The following LRP1B variants were observed in gnomAD, a reference collection of about 807,000 sequenced individuals.
The protein encoded by LRP1B is LDL receptor related protein 1B.
Under a neutral mutation model 556.6 loss-of-function variants are expected in LRP1B, and 217 were observed. The ratio of observed to expected loss-of-function variants is 0.39; its 90% CI spans 0.35 to 0.44. LRP1B has a LOEUF of 0.44. LRP1B is among the 20% of genes least tolerant of loss of function. LRP1B has a pLI of 1.00. For missense variants in LRP1B, 5,053 were observed against 5,620.8 expected, an observed-to-expected ratio of 0.90 and a Z score of 3.23; for synonymous variants, 2,047 against 1,865.8, an observed-to-expected ratio of 1.10 and a Z score of -2.50.
chr2:141,979,699 A>C (rs545300173), intron 1 of LRP1B, among the ~76,000 whole-genome samples: 1 of 152,210 alleles, frequency 6.6e-6, no homozygotes, highest in East Asian at 1.9e-4. Context: ...TATTTCAGTG[A>C]CAAAGTCAGG....
At chr2:140,877,861 A>G (rs915523093) in intron 25 of LRP1B, among the ~76,000 whole-genome samples, 3 of 152,162 alleles carry the variant, frequency 2.0e-5, no homozygotes, top group African/African-American at 7.2e-5. Flanking sequence ...GGACCTCCTG[A>G]AGCTGTGTCA....
chr2:141,364,391 C>T (rs1688943703), intron 3 of LRP1B, among the ~76,000 whole-genome samples: 1 of 149,160 alleles, frequency 6.7e-6, no homozygotes, highest in South Asian at 2.2e-4. Flanking sequence ...CATGCACACA[C>T]AGTGGAATTA....
chr2:141,749,574 G>T (rs374953485), intron 2 of LRP1B, among the ~76,000 whole-genome samples: 1 of 152,126 alleles, frequency 6.6e-6, no homozygotes, highest in Admixed American at 6.6e-5. Flanking sequence ...ACCAGGAAAA[G>T]AGTTCAGTAT....
chr2:141,874,630 T>C (rs1178145233), intron 1 of LRP1B, among the ~76,000 whole-genome samples: 1 of 151,998 alleles, frequency 6.6e-6, no homozygotes, highest in Non-Finnish European at 1.5e-5. Flanking sequence ...GTAAATAAAC[T>C]GTTTTTGAGA....
At chr2:140,525,685 T>C (rs1347848023) in intron 49 of LRP1B, among the ~76,000 whole-genome samples, 159 bp downstream of exon 49, 2 of 152,004 alleles carry the variant, frequency 1.3e-5, no homozygotes, top group African/African-American at 4.8e-5. Flanking sequence ...GATCAAGCGG[T>C]ATGTTTAGAA....
At chr2:141,986,099 G>C (rs1019580101) in intron 1 of LRP1B, among the ~76,000 whole-genome samples, 1 of 151,788 alleles carries the variant, frequency 6.6e-6, no homozygotes, top group Non-Finnish European at 1.5e-5. Flanking sequence ...CTAAAATTAA[G>C]AGCTAAACAT....
At chr2:141,801,645 T>C (rs553231711) in intron 2 of LRP1B, among the ~76,000 whole-genome samples, 2 of 152,266 alleles carry the variant, frequency 1.3e-5, no homozygotes, top group South Asian at 4.1e-4. Context: ...GGATTTTCAA[T>C]GAGAAGTGCT....
intron 1 of LRP1B, among the ~76,000 whole-genome samples, chr2:141,823,814 G>A (rs1696835727): frequency 2.0e-5 from 3 of 152,038 alleles, no homozygotes; most frequent in Admixed American, 6.5e-5. Flanking sequence ...GACTACAGGT[G>A]TCCACCACCA....
intron 2 of LRP1B, among the ~76,000 whole-genome samples, chr2:141,647,623 T>A (rs1193615416): frequency 6.6e-6 from 1 of 152,144 alleles, no homozygotes; most frequent in Non-Finnish European, 1.5e-5. Context: ...TTTTATTTAT[T>A]GTTCTGTTTA....
intron 2 of LRP1B, among the ~76,000 whole-genome samples, chr2:141,751,012 T>C (rs1427102395): frequency 6.6e-6 from 1 of 152,018 alleles, no homozygotes; most frequent in Non-Finnish European, 1.5e-5. Flanking sequence ...TATTCACCAG[T>C]TATTAAAATT....
chr2:141,412,083 A>C (rs1422127670), intron 3 of LRP1B, among the ~76,000 whole-genome samples: 2 of 152,176 alleles, frequency 1.3e-5, no homozygotes, highest in African/African-American at 4.8e-5. Flanking sequence ...CCTACTGCTA[A>C]TCAGCAAACA....
chr2:141,484,366 C>G (rs1216986535), intron 2 of LRP1B, among the ~76,000 whole-genome samples: 2 of 149,458 alleles, frequency 1.3e-5, no homozygotes, highest in African/African-American at 2.4e-5. Flanking sequence ...GTTACTGTAG[C>G]CTTGTAGTAT....
chr2:141,605,007 G>A (rs1687863021), intron 2 of LRP1B, among the ~76,000 whole-genome samples: 1 of 152,054 alleles, frequency 6.6e-6, no homozygotes, highest in Middle Eastern at 3.2e-3. Context: ...GGCAGGCAGA[G>A]TGGGCCAGTA....
At chr2:140,535,800 G>C (rs187845041) in intron 46 of LRP1B, among the ~76,000 whole-genome samples, 8 of 152,208 alleles carry the variant, frequency 5.3e-5, no homozygotes, top group Admixed American at 3.9e-4. Context: ...GAGTATAAAA[G>C]TTAATCTCTA....
intron 2 of LRP1B, among the ~76,000 whole-genome samples, chr2:141,764,003 A>C (rs1694648855): frequency 6.6e-6 from 1 of 152,186 alleles, no homozygotes; most frequent in African/African-American, 2.4e-5. Flanking sequence ...CATGGCTAGC[A>C]TGTATTACTT....
Position 141,187,074 on chromosome 2 carries a change from C to A in LRP1B, c.1013+1347G>T, listed in dbSNP as rs115356810. 3.9e-5 allele frequency among the ~76,000 whole-genome samples: 6 copies of A among 152,096 alleles called. No individual in the cohort carries two copies. The South Asian group carries it at 1.2e-3, about 32-fold the overall frequency. On this transcript the variant is annotated intron_variant, in intron 7 of 90. Coordinates refer to ENST00000389484, the MANE Select transcript of LRP1B (RefSeq NM_018557.3). ...GGATGCCAAAAGAATGTTGTTAGTG[C>A]GTTTGTAAATTTCCAATTCTTTCTT... is the stretch of plus-strand genomic sequence containing the variant.
At chr2:141,445,441 T>C (rs1036219573) in intron 3 of LRP1B, among the ~76,000 whole-genome samples, 1 of 152,238 alleles carries the variant, frequency 6.6e-6, no homozygotes, top group Non-Finnish European at 1.5e-5. Flanking sequence ...GCTCTGATCT[T>C]AGTTATTTCT....
rs200859286 is a variant in LRP1B, at chr2:140,716,668, G to A, written c.5893+14C>T. On this transcript the variant is annotated intron_variant, in intron 36 of 90. Coordinates refer to ENST00000389484, the MANE Select transcript of LRP1B (RefSeq NM_018557.3). ...TAGGTGTGAAACAGAAAGATAAAAA[G>A]CCATGGATTATACCAGCAATCCAGT... 5.0e-5 allele frequency: 79 copies of A among 1,594,312 alleles called. No homozygotes were observed. The African/African-American group carries it at 9.8e-4, about 20-fold the overall frequency.
chr2:140,974,782 C>A (rs976054721), intron 18 of LRP1B, among the ~76,000 whole-genome samples: 1 of 152,172 alleles, frequency 6.6e-6, no homozygotes, highest in Non-Finnish European at 1.5e-5. Context: ...ATATTTGGAA[C>A]CATTTCATAT....
Sources: gnomAD v4.1 joint callset for allele counts (sites outside exome capture counted in the v4.1 genomes callset) on GRCh38, gnomAD v4.1.1 for gene constraint, MANE v1.5 for transcripts, NCBI Gene and HGNC (gene_info 2026-07-23, HGNC 2026-07-21) for gene names.